Variants in ULK4 observed in about 807,000 individuals in gnomAD.
The protein encoded by ULK4 is inactive serine/threonine-protein kinase ULK4.
ULK4 carries 133 observed loss-of-function variants against 160.6 expected under a neutral mutation model. The ratio of observed to expected loss-of-function variants is 0.83; its 90% CI spans 0.72 to 0.96. The LOEUF (loss-of-function observed/expected upper bound fraction) is 0.96, where lower values mean the gene tolerates loss of function less well. Ranked by LOEUF, ULK4 falls within the 40% of genes least tolerant of loss-of-function variation. The pLI, the probability that ULK4 is intolerant of heterozygous loss-of-function variation, is 0.00. For synonymous variants in ULK4, 534 were observed against 539.8 expected, an observed-to-expected ratio of 0.99 and a Z score of 0.15; for missense variants, 1,580 against 1,499.5, an observed-to-expected ratio of 1.05 and a Z score of -0.89.
At chr3:41,617,096 C>G (rs1410851608) in intron 30 of ULK4, among the ~76,000 whole-genome samples, 1 of 152,186 alleles carries the variant, frequency 6.6e-6, no homozygotes, top group Non-Finnish European at 1.5e-5. Context: ...AGGTAGCAGC[C>G]CAAGTCAGGG....
intron 32 of ULK4, among the ~76,000 whole-genome samples, chr3:41,510,470 A>G (rs930863406): frequency 1.3e-5 from 2 of 152,220 alleles, no homozygotes; most frequent in African/African-American, 4.8e-5. Flanking sequence ...ACTATACCCT[A>G]GAAAAAATGT....
intron 21 of ULK4, among the ~76,000 whole-genome samples, chr3:41,760,511 A>G (rs757550764): frequency 5.3e-5 from 8 of 152,200 alleles, no homozygotes; most frequent in Non-Finnish European, 1.0e-4. Flanking sequence ...AAGTATCCCA[A>G]ATCCAAAAAT....
intron 30 of ULK4, among the ~76,000 whole-genome samples, chr3:41,660,136 C>T (rs1450096616): frequency 6.6e-6 from 1 of 151,872 alleles, no homozygotes; most frequent in African/African-American, 2.4e-5. Flanking sequence ...CTAAAAAATA[C>T]AAAAACAAAT....
At chr3:41,292,871 G>T (rs568695786) in intron 35 of ULK4, among the ~76,000 whole-genome samples, 2 of 152,146 alleles carry the variant, frequency 1.3e-5, no homozygotes, top group African/African-American at 2.4e-5. Context: ...TTGAACCTGG[G>T]TGGCAGAGGT....
Position 41,856,512 on chromosome 3 carries a change from A to AATATATAT in ULK4, c.1657-20549_1657-20542dup, listed in dbSNP as rs376773321. On this transcript the variant is annotated intron_variant, in intron 17 of 36. Coordinates refer to ENST00000301831, the MANE Select transcript of ULK4 (RefSeq NM_017886.4). Reference sequence around the variant, plus strand: ...GGACACATTAATAAATAAATAAATAAATATATATATATATATATATGTATG... The same window carrying AATATATAT: ...GGACACATTAATAAATAAATAAATAAATATATATATATATATATATATATATATGTATG... 8.1e-5 allele frequency among the ~76,000 whole-genome samples: 8 copies of AATATATAT among 99,190 alleles called. No homozygotes were observed. In the East Asian group the frequency reaches 9.2e-4, roughly 11 times the overall value. 65.1% of individuals were successfully genotyped at this position (99,190 alleles called of 152,430 possible). A position where few individuals can be genotyped will look rare whatever the true frequency, so the allele number is the denominator to read the frequency against.
chr3:41,365,148 GC>G lies in ULK4; in HGVS notation c.3678+32930del, dbSNP rs1258374505. Among the ~76,000 whole-genome samples the G allele has an allele frequency of 1.5e-4, 23 of 152,302 alleles. No individual in the cohort carries two copies. The East Asian group carries it at 4.4e-3, about 29-fold the overall frequency. On this transcript the variant is annotated intron_variant, in intron 35 of 36. Coordinates refer to ENST00000301831, the MANE Select transcript of ULK4 (RefSeq NM_017886.4). Reference sequence around the variant, plus strand: ...GATTCTGAATCCAGAAGTTCTGTTTGCCAGATAATCTCAATATCTGGTGTGG... The same window carrying G: ...GATTCTGAATCCAGAAGTTCTGTTTGCAGATAATCTCAATATCTGGTGTGG...
chr3:41,302,539 G>A (rs1609982), intron 35 of ULK4, among the ~76,000 whole-genome samples: 12,149 of 152,132 alleles, frequency 0.08, 1,216 homozygotes, highest in African/African-American at 0.23. Context: ...GCTCTAAAGA[G>A]GCAGTTTCAT....
intron 29 of ULK4, among the ~76,000 whole-genome samples, chr3:41,679,184 C>A (rs893085085): frequency 2.0e-5 from 3 of 151,632 alleles, no homozygotes; most frequent in African/African-American, 7.3e-5. Context: ...ACAATCTTTA[C>A]TTTAAAGATT....
At chr3:41,948,630 G>A (rs7372217) in intron 2 of ULK4, among the ~76,000 whole-genome samples, 103,278 of 150,522 alleles carry the variant, frequency 0.69, 38,880 homozygotes, top group East Asian at 0.83. Context: ...TTGAACATAC[G>A]AAAATGTAAT....
chr3:41,961,881 G>C (rs1671687374), intron 1 of ULK4, 135 bp downstream of exon 1: 1 of 152,960 alleles, frequency 6.5e-6, no homozygotes, highest in East Asian at 1.9e-4. Flanking sequence ...GGGGTACGGG[G>C]TCCACTGGCA....
intron 17 of ULK4, chr3:41,859,208 T>C (rs1053830464): frequency 1.3e-5 from 7 of 521,802 alleles, no homozygotes; most frequent in Non-Finnish European, 2.2e-5. Flanking sequence ...GACATTTAAA[T>C]GTGGTGCTGA....
chr3:41,424,440 G>A (rs1305053032), intron 34 of ULK4, among the ~76,000 whole-genome samples: 1 of 152,144 alleles, frequency 6.6e-6, no homozygotes, highest in African/African-American at 2.4e-5. Flanking sequence ...CCTTAAGTGG[G>A]TCCCAGATCC....
intron 31 of ULK4, among the ~76,000 whole-genome samples, chr3:41,591,863 T>A (rs918656201): frequency 2.0e-5 from 3 of 152,156 alleles, no homozygotes; most frequent in Non-Finnish European, 2.9e-5. Context: ...TACAAAGCCA[T>A]CTCACTAATA....
intron 32 of ULK4, among the ~76,000 whole-genome samples, chr3:41,564,625 A>G (rs1360354836): frequency 6.6e-6 from 1 of 151,024 alleles, no homozygotes; most frequent in African/African-American, 2.4e-5. Flanking sequence ...CACCTGGCTA[A>G]TTTTTCTATT....
chr3:41,679,989 C>T (rs2035868139), intron 29 of ULK4, among the ~76,000 whole-genome samples: 2 of 152,178 alleles, frequency 1.3e-5, no homozygotes. Flanking sequence ...CCTGGGACTA[C>T]AGGCACGAGC....
intron 17 of ULK4, among the ~76,000 whole-genome samples, chr3:41,867,189 A>G (rs1716669): frequency 0.32 from 47,847 of 151,816 alleles, 11,078 homozygotes; most frequent in African/African-American, 0.66. Flanking sequence ...GGTTTAATTT[A>G]CTCTCCTTTT....
chr3:41,466,715 A>G (rs1008404105), intron 32 of ULK4, among the ~76,000 whole-genome samples: 1 of 152,144 alleles, frequency 6.6e-6, no homozygotes, highest in African/African-American at 2.4e-5. Context: ...ATAATAAATA[A>G]GGAAGCCAAA....
intron 29 of ULK4, among the ~76,000 whole-genome samples, chr3:41,678,402 A>G (rs1167875459): frequency 1.3e-5 from 2 of 152,158 alleles, no homozygotes; most frequent in Non-Finnish European, 2.9e-5. Context: ...GAAGTATTAG[A>G]AAAGACATCC....
intron 35 of ULK4, among the ~76,000 whole-genome samples, chr3:41,284,578 T>C (rs2079423664): frequency 6.6e-6 from 1 of 152,196 alleles, no homozygotes; most frequent in African/African-American, 2.4e-5. Context: ...ATCTCTCACC[T>C]TATATAAAAA....
Sources: allele counts gnomAD v4.1 joint callset (sites outside exome capture counted in the v4.1 genomes callset), GRCh38; gene constraint gnomAD v4.1.1; transcripts MANE v1.5; gene names NCBI Gene and HGNC (gene_info 2026-07-23, HGNC 2026-07-21).